Variants in RBM25 observed in about 807,000 individuals in gnomAD.
The protein encoded by RBM25 is RNA binding motif protein 25.
In RBM25, 19 loss-of-function variants were observed where a neutral mutation model predicts 120.7. The ratio of observed to expected loss-of-function variants is 0.16; its 90% CI spans 0.11 to 0.23. RBM25 has a LOEUF of 0.23. Among genes scored for constraint, RBM25 ranks in the 10% least tolerant of loss-of-function variants. The probability of loss-of-function intolerance (pLI) is 1.00; values close to 1 mark genes in which losing one functional copy is unlikely to be tolerated. For synonymous variants in RBM25, 390 were observed against 326.7 expected (o/e 1.19, Z -2.09); for missense variants, 605 against 1,041.5 (o/e 0.58, Z 5.77).
At chr14:73,070,405 T>C (rs1895256343) in intron 1 of RBM25, among the ~76,000 whole-genome samples, 1 of 150,822 alleles carries the variant, frequency 6.6e-6, no homozygotes, top group Admixed American at 6.7e-5. Context: ...TTCTTCAGTT[T>C]TGATTCAAGA....
intron 13 of RBM25, 149 bp downstream of exon 13, chr14:73,108,048 CTG>C: frequency 1.6e-6 from 1 of 640,040 alleles, no homozygotes; most frequent in Non-Finnish European, 2.7e-6. Flanking sequence ...AGCTAATACA[CTG>C]TTTTCGTTGG....
At position 73,114,893 on chromosome 14, in the gene RBM25, C is replaced by CTAAA. The variant is rs1242815751; in HGVS notation, c.2439+572_2439+575dup. ...CTGGTGACAGAGTGAGACCCCATCTCTAAATAAATAAATAAGGCTTCATTC... is the reference window on the plus strand; with the variant it reads ...CTGGTGACAGAGTGAGACCCCATCTCTAAATAAATAAATAAATAAGGCTTCATTC... On this transcript the variant is annotated intron_variant, in intron 18 of 18. Transcript: ENST00000261973. 2.0e-3 allele frequency among the ~76,000 whole-genome samples: 308 copies of CTAAA among 152,224 alleles called. 1 individual carries two copies. Among genetic ancestry groups the CTAAA allele is most frequent in the African/African-American group, 7.2e-3 (301 of 41,526 alleles).
At chr14:73,077,235 A>G (rs1165118030) in intron 3 of RBM25, 134 bp from the exon 4 acceptor site, 1 of 680,714 alleles carries the variant, frequency 1.5e-6, no homozygotes, top group South Asian at 3.1e-5. Flanking sequence ...TAGGAGCTTT[A>G]GAAGTATACA....
rs1896566478 is a variant in RBM25, at chr14:73,123,260, C to G, written c.*3455C>G. The G allele has an allele frequency of 6.6e-6, 1 of 151,926 alleles. No individual in the cohort carries two copies. The highest frequency in any genetic ancestry group is 1.5e-5 in the Non-Finnish European group (1 of 67,994). The allele number at this position is 151,926 out of a possible 1,614,324, so 9.4% of individuals were successfully genotyped here. ...AGAGCCAATTTGAACTAGACACTATCTTTTTTTCTCCTTTTTAATGGAATA... is the reference window on the plus strand; with the variant it reads ...AGAGCCAATTTGAACTAGACACTATGTTTTTTTCTCCTTTTTAATGGAATA... On this transcript the variant is annotated 3_prime_UTR_variant, in exon 19 of 19. Transcript: ENST00000261973.
In RBM25 at chr14:73,070,580, C is replaced by G. The variant is rs1026937153; in HGVS notation, c.-15-1047C>G. Reference sequence around the variant, plus strand: ...GTATGGTTCATGAGCACATTTGTCTCTTAGGTAGTGGCCAGCATTGAAGCA... The same window carrying G: ...GTATGGTTCATGAGCACATTTGTCTGTTAGGTAGTGGCCAGCATTGAAGCA... On this transcript the variant is annotated intron_variant, in intron 1 of 18. Transcript: ENST00000261973. 2.0e-5 allele frequency among the ~76,000 whole-genome samples: 3 copies of G among 152,018 alleles called. No individual in the cohort carries two copies. The East Asian group carries it at 5.8e-4, about 29-fold the overall frequency.
intron 9 of RBM25, chr14:73,102,205 ATGTGT>A (rs1896070307): frequency 6.6e-6 from 1 of 152,194 alleles, no homozygotes; most frequent in Non-Finnish European, 1.5e-5. Context: ...AAAGGGATAA[ATGTGT>A]TTTGTTTTGT....
At chr14:73,116,106 C>T (rs1158825936) in intron 18 of RBM25, among the ~76,000 whole-genome samples, 1 of 150,304 alleles carries the variant, frequency 6.7e-6, no homozygotes, top group African/African-American at 2.4e-5. Flanking sequence ...ACAGTGAAGA[C>T]CCACAAGTCA....
intron 18 of RBM25, among the ~76,000 whole-genome samples, chr14:73,117,616 T>G (rs1036247887): frequency 6.6e-6 from 1 of 152,140 alleles, no homozygotes; most frequent in Non-Finnish European, 1.5e-5. Flanking sequence ...TAATTCCCAC[T>G]TAGTACCTAC....
At chr14:73,061,053 CTT>C (rs752576871) in intron 1 of RBM25, among the ~76,000 whole-genome samples, 6 of 142,166 alleles carry the variant, frequency 4.2e-5, no homozygotes, top group Non-Finnish European at 1.6e-5. Flanking sequence ...AGTTGGTGTA[CTT>C]TTTTTTTTTT....
chr14:73,112,108 C>G, intron 16 of RBM25, 44 bp from the exon 17 acceptor site: 1 of 1,497,092 alleles, frequency 6.7e-7, no homozygotes, highest in South Asian at 1.2e-5. Flanking sequence ...ACTGTTATAG[C>G]AAGTTACAAT....
chr14:73,095,849 G>A (rs757481627), intron 6 of RBM25, among the ~76,000 whole-genome samples: 7 of 152,036 alleles, frequency 4.6e-5, no homozygotes, highest in Admixed American at 2.6e-4. Context: ...AAATGTGCAC[G>A]GTATATGTTT....
At chr14:73,103,907 C>CTGTCTG (rs773744090) in intron 10 of RBM25, among the ~76,000 whole-genome samples, 4 of 69,436 alleles carry the variant, frequency 5.8e-5, no homozygotes, top group Admixed American at 1.8e-4. Context: ...GTCTGTCTGT[C>CTGTCTG]TCTCTCTCTC....
At chr14:73,073,120 G>A (rs1418526216) in intron 2 of RBM25, among the ~76,000 whole-genome samples, 1 of 151,960 alleles carries the variant, frequency 6.6e-6, no homozygotes, top group Admixed American at 6.6e-5. Context: ...TAAAGATGGG[G>A]GTCTCACCAT....
chr14:73,085,634 G>A (rs1044855721), intron 5 of RBM25, among the ~76,000 whole-genome samples: 2 of 151,786 alleles, frequency 1.3e-5, no homozygotes, highest in African/African-American at 4.8e-5. Flanking sequence ...TTTAATAGAG[G>A]CGGGATTTTG....
chr14:73,061,223 A>AT (rs1271037497), intron 1 of RBM25, among the ~76,000 whole-genome samples: 6 of 150,006 alleles, frequency 4.0e-5, no homozygotes, highest in Middle Eastern at 3.4e-3. Flanking sequence ...ATGCCTGGCT[A>AT]ATTTTTGTAT....
intron 6 of RBM25, 25 bp downstream of exon 6, chr14:73,088,186 T>G (rs752162652): frequency 6.2e-7 from 1 of 1,612,806 alleles, no homozygotes; most frequent in Non-Finnish European, 8.5e-7. Flanking sequence ...GTGTTATCTT[T>G]TCTAGGCCAG....
rs559821313 is a variant in RBM25, at chr14:73,073,798, G to A, written c.106+2051G>A. Among the ~76,000 whole-genome samples, 12 of 152,248 alleles carry A rather than the reference G, an allele frequency of 7.9e-5. No homozygotes were observed. The South Asian group carries it at 2.5e-3, about 32-fold the overall frequency. ...TATGCTTGTAGTGGAGCTGCTTTAC[G>A]CTGTGCTTCTAGATAATCATGGATG... On this transcript the variant is annotated intron_variant, in intron 2 of 18. Coordinates refer to ENST00000261973, the MANE Select transcript of RBM25 (RefSeq NM_021239.3).
In RBM25 at chr14:73,121,386, G is replaced by A. The variant is rs1269462932; in HGVS notation, c.*1581G>A. 6.6e-6 allele frequency: 1 copy of A among 152,490 alleles called. No individual in the cohort carries two copies. Among genetic ancestry groups the A allele is most frequent in the Non-Finnish European group, 1.5e-5 (1 of 68,004 alleles). 9.4% of individuals were successfully genotyped at this position (152,490 alleles called of 1,614,324 possible). ...TGTTGTAATTGTGTGGTGCATACTAGAAAAGTTAAAAATATGGGCTGAACT... is the reference window on the plus strand; with the variant it reads ...TGTTGTAATTGTGTGGTGCATACTAAAAAAGTTAAAAATATGGGCTGAACT... On this transcript the variant is annotated 3_prime_UTR_variant, in exon 19 of 19. Coordinates refer to ENST00000261973, the MANE Select transcript of RBM25 (RefSeq NM_021239.3).
chr14:73,068,417 A>G (rs1895195391), intron 1 of RBM25: 3 of 644,782 alleles, frequency 4.7e-6, no homozygotes, highest in Non-Finnish European at 8.2e-6. Flanking sequence ...GTTCATTTAC[A>G]GGATCTGAGA....
Sources: gnomAD v4.1 joint callset for allele counts (sites outside exome capture counted in the v4.1 genomes callset) on GRCh38, gnomAD v4.1.1 for gene constraint, MANE v1.5 for transcripts, NCBI Gene and HGNC (gene_info 2026-07-23, HGNC 2026-07-21) for gene names.